Variants in UAP1L1 observed in about 807,000 individuals in gnomAD.
The protein encoded by UAP1L1 is UDP-N-acetylglucosamine pyrophosphorylase 1 like 1.
In UAP1L1, 45 loss-of-function variants were observed where a neutral mutation model predicts 45.3. The ratio of observed to expected loss-of-function variants is 0.99; its 90% CI spans 0.78 to 1.27. The LOEUF is 1.27. Ranked by LOEUF, UAP1L1 falls within the 50% of genes most tolerant of loss-of-function variation. UAP1L1 has a pLI of 0.00. For synonymous variants in UAP1L1, 323 were observed against 303.9 expected (o/e 1.06, Z -0.65); for missense variants, 667 against 694.0 (o/e 0.96, Z 0.44).
At position 137,080,782 on chromosome 9, in the gene UAP1L1, C is replaced by T; in HGVS notation, c.1272C>T (p.Arg424=). The T allele has an allele frequency of 6.2e-7, 1 of 1,612,656 alleles. No individual in the cohort carries two copies. Among genetic ancestry groups the T allele is most frequent in the Non-Finnish European group, 8.5e-7 (1 of 1,179,944 alleles). ...ACAGGGACAGTCCCCGCACCGCTCG[C>T]CAGGCCCTGCTCACCCAGCACTACC... ...PADRDSPRTA[R]QALLTQHYRW... The change falls in exon 7 of 9, where the codon CGC becomes CGT. Residue 424 remains arginine, a synonymous_variant. Transcript: ENST00000409858.
chr9:137,079,862 C>T (rs1019414516), intron 5 of UAP1L1, 140 bp from the exon 6 acceptor site: 2 of 1,011,154 alleles, frequency 2.0e-6, no homozygotes, highest in African/African-American at 3.2e-5. Context: ...TCTGGCCCTA[C>T]TCTGCCGCTT....
intron 7 of UAP1L1, 111 bp from the exon 8 acceptor site, chr9:137,081,887 G>A (rs983025440): frequency 1.1e-5 from 11 of 997,516 alleles, no homozygotes; most frequent in Non-Finnish European, 1.6e-5. Flanking sequence ...TGAGACAGGA[G>A]CTGTGGGGAG....
In UAP1L1 at chr9:137,082,195, T is replaced by G; in HGVS notation, c.1431+131T>G. 1 of 914,950 alleles carries G rather than the reference T, an allele frequency of 1.1e-6. No homozygotes were observed. The highest frequency in any genetic ancestry group is 1.8e-6 in the Non-Finnish European group (1 of 563,428). The allele number at this position is 914,950 out of a possible 1,614,324, so 56.7% of individuals were successfully genotyped here. A position where few individuals can be genotyped will look rare whatever the true frequency, so the allele number is the denominator to read the frequency against. On this transcript the variant is annotated intron_variant, in intron 8 of 8. Coordinates refer to ENST00000409858, the MANE Select transcript of UAP1L1 (RefSeq NM_207309.3). The surrounding 1 kb of genome is among the most constrained non-coding windows in gnomAD (Gnocchi z 5.7). ...TAACCAATGGGGTCGGTGGTTTAAA[T>G]TTGCAGAAGACTTTCCAAGATATGG... is the stretch of plus-strand genomic sequence containing the variant.
In UAP1L1 at chr9:137,078,995, C is replaced by T; in HGVS notation, c.690C>T (p.Tyr230=). 1 of 1,595,530 alleles carries T rather than the reference C, an allele frequency of 6.3e-7. No homozygotes were observed. Among genetic ancestry groups the T allele is most frequent in the Non-Finnish European group, 8.5e-7 (1 of 1,175,174 alleles). ...CTGCAGACGGCAACGGGGGCCTCTA[C>T]TGCGCGCTGGAGGACCACAAGATCC... is the stretch of plus-strand genomic sequence containing the variant. The part of the protein sequence containing the change: ...AMAPDGNGGL[Y]CALEDHKILE... Residue 230 remains tyrosine, a synonymous_variant, in exon 4 of 9, where the codon TAC becomes TAT. Coordinates refer to ENST00000409858, the MANE Select transcript of UAP1L1 (RefSeq NM_207309.3).
At position 137,077,874 on chromosome 9, in the gene UAP1L1, G is replaced by A. The variant is rs979172583; in HGVS notation, c.289+53G>A. 4 of 1,446,428 alleles carry A rather than the reference G, an allele frequency of 2.8e-6. No individual in the cohort carries two copies. In the African/African-American group the frequency reaches 5.7e-5, roughly 21 times the overall value. 89.6% of individuals were successfully genotyped at this position (1,446,428 alleles called of 1,614,324 possible). A position where few individuals can be genotyped will look rare whatever the true frequency, so the allele number is the denominator to read the frequency against. Reference sequence around the variant, plus strand: ...CGGCAGGGGGTCGTGCCCACGGAGCGGGTGGGAACCGAGGCCGCGCTCGGG... The same window carrying A: ...CGGCAGGGGGTCGTGCCCACGGAGCAGGTGGGAACCGAGGCCGCGCTCGGG... On this transcript the variant is annotated intron_variant, in intron 1 of 8. Transcript: ENST00000409858. The surrounding 1 kb of genome is among the most constrained non-coding windows in gnomAD (Gnocchi z 4.7).
In UAP1L1 at chr9:137,077,550, C is replaced by A; in HGVS notation, c.18C>A (p.Asp6Glu). 7.2e-7 allele frequency: 1 copy of A among 1,390,058 alleles called. No homozygotes were observed. Among genetic ancestry groups the A allele is most frequent in the Non-Finnish European group, 9.4e-7 (1 of 1,064,630 alleles). 86.1% of individuals were successfully genotyped at this position (1,390,058 alleles called of 1,614,324 possible). The part of the protein sequence containing the change: MASEQ[D>E]VRARLQRAGQ... ...GCGGCGACATGGCTTCGGAGCAGGA[C>A]GTGCGCGCCCGGCTGCAGCGCGCTG... Residue 6 changes from aspartate (D) to glutamate (E), a missense_variant, in exon 1 of 9, where the codon GAC becomes GAA. Coordinates refer to ENST00000409858, the MANE Select transcript of UAP1L1 (RefSeq NM_207309.3). The surrounding 1 kb of genome is among the most constrained non-coding windows in gnomAD (Gnocchi z 4.7).
Position 137,082,310 on chromosome 9 carries a change from C to T in UAP1L1, c.1431+246C>T, listed in dbSNP as rs780627721. The T allele has an allele frequency of 3.3e-6, 2 of 603,924 alleles. No homozygotes were observed. The highest frequency in any genetic ancestry group is 2.9e-5 in the Admixed American group (1 of 34,116). The allele number at this position is 603,924 out of a possible 1,614,324, so 37.4% of individuals were successfully genotyped here. A position where few individuals can be genotyped will look rare whatever the true frequency, so the allele number is the denominator to read the frequency against. ...CCCAGGTCTGAGCCCAGTGTGGGGC[C>T]AGTCAGGCCTTGGTGGGGGCCTTGC... On this transcript the variant is annotated intron_variant, in intron 8 of 8. Transcript: ENST00000409858. The surrounding 1 kb of genome is among the most constrained non-coding windows in gnomAD (Gnocchi z 5.7).
chr9:137,080,763 A>G lies in UAP1L1; in HGVS notation c.1253A>G (p.Asp418Gly), dbSNP rs1388351516. ...AAGAACGCAGAGCCAGCCGACAGGG[A>G]CAGTCCCCGCACCGCTCGCCAGGCC... ...PLKNAEPADR[D>G]SPRTARQALL... The change falls in exon 7 of 9, where the codon GAC (aspartate) becomes GGC (glycine). Residue 418 changes from aspartate to glycine, a missense_variant. Transcript: ENST00000409858. 2 of 1,612,820 alleles carry G rather than the reference A, an allele frequency of 1.2e-6. No individual in the cohort carries two copies. The highest frequency in any genetic ancestry group is 1.7e-4 in the Middle Eastern group (1 of 6,060).
chr9:137,080,787 C>T lies in UAP1L1; in HGVS notation c.1277C>T (p.Ala426Val), dbSNP rs1832777157. Residue 426 changes from alanine (A) to valine (V), a missense_variant, in exon 7 of 9, where the codon GCC (alanine) becomes GTC (valine). Physicochemically the swap from Ala to Val is moderately conservative, Grantham distance 64. Transcript: ENST00000409858. Reference protein sequence around the residue: ...DRDSPRTARQALLTQHYRWAL... With the variant: ...DRDSPRTARQVLLTQHYRWAL... ...GACAGTCCCCGCACCGCTCGCCAGG[C>T]CCTGCTCACCCAGCACTACCGGTGG... is the stretch of plus-strand genomic sequence containing the variant. The T allele has an allele frequency of 6.2e-7, 1 of 1,612,414 alleles. No homozygotes were observed. Among genetic ancestry groups the T allele is most frequent in the African/African-American group, 1.3e-5 (1 of 74,940 alleles).
In UAP1L1 at chr9:137,077,977, C is replaced by G; in HGVS notation, c.290-73C>G. The G allele has an allele frequency of 6.5e-7, 1 of 1,534,666 alleles. No individual in the cohort carries two copies. The highest frequency in any genetic ancestry group is 8.7e-7 in the Non-Finnish European group (1 of 1,146,126). On this transcript the variant is annotated intron_variant, in intron 1 of 8. Transcript: ENST00000409858. This position sits in a 1 kb window ranked among gnomAD's most constrained non-coding sequence, Gnocchi z 4.7. Reference sequence around the variant, plus strand: ...GCCCCCGAGTCCTGGCGCCCCAGCCCCAGAGTTGGTTTCCCCTAAAGCGGA... The same window carrying G: ...GCCCCCGAGTCCTGGCGCCCCAGCCGCAGAGTTGGTTTCCCCTAAAGCGGA...
intron 5 of UAP1L1, 146 bp downstream of exon 5, chr9:137,079,595 G>T (rs917639858): frequency 1.1e-5 from 8 of 727,336 alleles, no homozygotes; most frequent in Non-Finnish European, 1.8e-5. Context: ...ATGGGTCGGG[G>T]TGGAGAATGG....
intron 5 of UAP1L1, 123 bp from the exon 6 acceptor site, chr9:137,079,879 C>A: frequency 8.4e-7 from 1 of 1,183,900 alleles, no homozygotes; most frequent in Non-Finnish European, 1.2e-6. Context: ...GCTTCTGTGC[C>A]CTGTAGTGTC....
At chr9:137,078,783 C>T (rs1450251400) in intron 3 of UAP1L1, 106 bp downstream of exon 3, 1 of 1,383,456 alleles carries the variant, frequency 7.2e-7, no homozygotes, top group African/African-American at 1.5e-5. Flanking sequence ...CTGTGTGGTC[C>T]TGGGTTAGGC....
chr9:137,080,714 C>T lies in UAP1L1; in HGVS notation c.1204C>T (p.Arg402Trp), dbSNP rs550644644. ...AKNFAALEVLREEEFSPLKNA... is the reference protein window; with the variant it reads ...AKNFAALEVLWEEEFSPLKNA... ...GAACTTTGCTGCCTTGGAAGTGCTG[C>T]GGGAGGAGGAATTTTCCCCACTGAA... The change falls in exon 7 of 9, where the codon CGG becomes TGG. Residue 402 changes from arginine (R) to tryptophan (W), a missense_variant. Coordinates refer to ENST00000409858, the MANE Select transcript of UAP1L1 (RefSeq NM_207309.3). The T allele has an allele frequency of 8.7e-6, 14 of 1,612,064 alleles. No homozygotes were observed. Among genetic ancestry groups the T allele is most frequent in the East Asian group, 6.7e-5 (3 of 44,850 alleles).
At position 137,082,627 on chromosome 9, in the gene UAP1L1, T is replaced by C; in HGVS notation, c.1432-10T>C. On this transcript the variant is annotated splice_polypyrimidine_tract_variant and intron_variant, in intron 8 of 8. Coordinates refer to ENST00000409858, the MANE Select transcript of UAP1L1 (RefSeq NM_207309.3). The surrounding 1 kb of genome is among the most constrained non-coding windows in gnomAD (Gnocchi z 5.7). The stretch of plus-strand genomic sequence containing the variant: ...TGGGTACTTGGCCATTGTCCCCTGC[T>C]CGTCTCCAGGGTTTAGAAGTGTACC... The C allele has an allele frequency of 6.4e-7, 1 of 1,550,552 alleles. No individual in the cohort carries two copies. The highest frequency in any genetic ancestry group is 8.7e-7 in the Non-Finnish European group (1 of 1,146,114).
rs1421919578 is a variant in UAP1L1 at position 137,077,570 on chromosome 9, G to A, written c.38G>A (p.Arg13His). 7.2e-7 allele frequency: 1 copy of A among 1,395,774 alleles called. No homozygotes were observed. The highest frequency in any genetic ancestry group is 1.4e-5 in the South Asian group (1 of 73,806). 86.5% of individuals were successfully genotyped at this position (1,395,774 alleles called of 1,614,324 possible). A position where few individuals can be genotyped will look rare whatever the true frequency, so the allele number is the denominator to read the frequency against. ...SEQDVRARLQ[R>H]AGQEHLLRFW... ...CAGGACGTGCGCGCCCGGCTGCAGC[G>A]CGCTGGCCAGGAGCACCTCCTGCGC... is the stretch of plus-strand genomic sequence containing the variant. Residue 13 changes from arginine (R) to histidine (H), a missense_variant, in exon 1 of 9, where the codon CGC becomes CAC. Arg to His is a conservative substitution (Grantham distance 29). Coordinates refer to ENST00000409858, the MANE Select transcript of UAP1L1 (RefSeq NM_207309.3). This position sits in a 1 kb window ranked among gnomAD's most constrained non-coding sequence, Gnocchi z 4.7.
chr9:137,077,524 A>G lies in UAP1L1; in HGVS notation c.-9A>G. ...CACGAGTGCCGACTTGACAGACGGC[A>G]GCGGCGACATGGCTTCGGAGCAGGA... On this transcript the variant is annotated 5_prime_UTR_variant, in exon 1 of 9. Coordinates refer to ENST00000409858, the MANE Select transcript of UAP1L1 (RefSeq NM_207309.3). This position sits in a 1 kb window ranked among gnomAD's most constrained non-coding sequence, Gnocchi z 4.7. 1 of 1,359,890 alleles carries G rather than the reference A, an allele frequency of 7.4e-7. No homozygotes were observed. The highest frequency in any genetic ancestry group is 9.6e-7 in the Non-Finnish European group (1 of 1,046,680). 84.2% of individuals were successfully genotyped at this position (1,359,890 alleles called of 1,614,324 possible). A position where few individuals can be genotyped will look rare whatever the true frequency, so the allele number is the denominator to read the frequency against.
chr9:137,078,232 G>A lies in UAP1L1; in HGVS notation c.472G>A (p.Gly158Arg). 6.5e-7 allele frequency: 1 copy of A among 1,546,110 alleles called. No homozygotes were observed. The highest frequency in any genetic ancestry group is 1.2e-5 in the South Asian group (1 of 83,768). ...GGAGCAGCTGGCCGGTGAGCGCCAC[G>A]GGACCCGCTGCACCGTCCCCTGGTG... ...RVEQLAGERHGTRCTVPWYVM... is the reference protein window; with the variant it reads ...RVEQLAGERHRTRCTVPWYVM... Residue 158 changes from glycine to arginine, a missense_variant, in exon 2 of 9, where the codon GGG becomes AGG. Coordinates refer to ENST00000409858, the MANE Select transcript of UAP1L1 (RefSeq NM_207309.3).
At chr9:137,079,602 A>G in intron 5 of UAP1L1, 153 bp downstream of exon 5, 1 of 700,600 alleles carries the variant, frequency 1.4e-6, no homozygotes, top group Non-Finnish European at 2.3e-6. Flanking sequence ...GGGGTGGAGA[A>G]TGGATCCTGA....
Sources: allele counts gnomAD v4.1 joint callset, GRCh38; gene constraint gnomAD v4.1.1; non-coding constraint Gnocchi (gnomAD v3.1); transcripts MANE v1.5; gene names NCBI Gene and HGNC (gene_info 2026-07-23, HGNC 2026-07-21).